Variants in LPCAT4 observed in about 807,000 individuals in gnomAD.
The protein encoded by LPCAT4 is lysophospholipid acyltransferase LPCAT4.
Under a neutral mutation model 66.5 loss-of-function variants are expected in LPCAT4, and 30 were observed. That is an observed-to-expected ratio of 0.45 (90% CI 0.34 to 0.61). The LOEUF (loss-of-function observed/expected upper bound fraction) is 0.61, where lower values mean the gene tolerates loss of function less well. Among genes scored for constraint, LPCAT4 ranks in the 20% least tolerant of loss-of-function variants. The pLI is 0.01. For synonymous variants in LPCAT4, 253 were observed against 262.1 expected (o/e 0.97, Z 0.34); for missense variants, 557 against 656.7 (o/e 0.85, Z 1.66).
Position 34,363,787 on chromosome 15 carries a change from G to A in LPCAT4, c.653-68C>T. On this transcript the variant is annotated intron_variant, in intron 5 of 13. Transcript: ENST00000314891. This position sits in a 1 kb window ranked among gnomAD's most constrained non-coding sequence, Gnocchi z 4.3. ...GTACACAGAAGTAGCTAGAGGGCAT[G>A]AGGTATGGCAGTCTGGGACAGTTCT... is the stretch of plus-strand genomic sequence containing the variant. 2 of 1,556,104 alleles carry A rather than the reference G, an allele frequency of 1.3e-6. No homozygotes were observed. The highest frequency in any genetic ancestry group is 1.8e-6 in the Non-Finnish European group (2 of 1,127,430).
rs1566892396 is a variant in LPCAT4 at position 34,358,734 on chromosome 15, G to A, written c.*393C>T. The A allele has an allele frequency of 1.3e-5, 2 of 153,990 alleles. No homozygotes were observed. The highest frequency in any genetic ancestry group is 6.5e-5 in the Admixed American group (1 of 15,310). 9.5% of individuals were successfully genotyped at this position (153,990 alleles called of 1,614,324 possible). On this transcript the variant is annotated 3_prime_UTR_variant, in exon 14 of 14. Transcript: ENST00000314891. ...GTACATATAGGAGATGACAGCAGGA[G>A]GGAGGATATGGAACCTCAGTATGAT...
chr15:34,365,754 C>G, intron 1 of LPCAT4, 53 bp from the exon 2 acceptor site: 4 of 1,589,562 alleles, frequency 2.5e-6, no homozygotes, highest in Non-Finnish European at 2.6e-6. Context: ...GCTCCCTCCA[C>G]AGCATCCTTC....
chr15:34,362,287 C>T lies in LPCAT4; in HGVS notation c.919G>A (p.Val307Ile). 2 of 1,614,152 alleles carry T rather than the reference C, an allele frequency of 1.2e-6. No homozygotes were observed. The highest frequency in any genetic ancestry group is 2.2e-5 in the East Asian group (1 of 44,874). The change falls in exon 10 of 14, where the codon GTA becomes ATA. Residue 307 changes from valine (V) to isoleucine (I), a missense_variant. Val to Ile is a conservative substitution (Grantham distance 29). Transcript: ENST00000314891. ...ACCACAATCACAGGTAAGCTCCCTACAAACTCACATTCGGTGGCTGGAATG... is the reference window on the plus strand; with the variant it reads ...ACCACAATCACAGGTAAGCTCCCTATAAACTCACATTCGGTGGCTGGAATG... ...LGIPATECEF[V>I]GSLPVIVVGR... is the part of the protein sequence containing the mutation.
intron 2 of LPCAT4, 50 bp downstream of exon 2, chr15:34,365,509 A>G: frequency 6.2e-7 from 1 of 1,610,932 alleles, no homozygotes; most frequent in South Asian, 1.1e-5. Context: ...GGAGCCGAAT[A>G]GACAGCAGGG....
chr15:34,364,068 T>G lies in LPCAT4; in HGVS notation c.597A>C (p.Leu199=). 6.2e-7 allele frequency: 1 copy of G among 1,613,024 alleles called. No individual in the cohort carries two copies. Among genetic ancestry groups the G allele is most frequent in the African/African-American group, 1.3e-5 (1 of 75,010 alleles). Reference sequence around the variant, plus strand: ...TGGAACAGGTGCCCTCAGGAAAGAATAGCACCTGGGGTAAAAAAGAGCAGA... The same window carrying G: ...TGGAACAGGTGCCCTCAGGAAAGAAGAGCACCTGGGGTAAAAAAGAGCAGA... ...ATSGGKWPQV[L]FFPEGTCSNK... Residue 199 remains leucine (L), a synonymous_variant, in exon 5 of 14, where the codon CTA becomes CTC. Coordinates refer to ENST00000314891, the MANE Select transcript of LPCAT4 (RefSeq NM_153613.3).
In LPCAT4 at chr15:34,359,622, A is replaced by AC; in HGVS notation, c.1365dup (p.Cys456ValfsTer21). 1.2e-6 allele frequency: 2 copies of AC among 1,613,110 alleles called. No individual in the cohort carries two copies. The highest frequency in any genetic ancestry group is 1.7e-6 in the Non-Finnish European group (2 of 1,180,014). ...AGGCCTTGGCTGGATCCTGCCTGGC[A>AC]CAGCTCAGCATGCAAAGCTGTGGCA... On this transcript the variant is annotated frameshift_variant, in exon 13 of 14. Transcript: ENST00000314891. LOFTEE classifies it high-confidence loss of function.
intron 10 of LPCAT4, 60 bp downstream of exon 10, chr15:34,362,136 T>C: frequency 1.1e-6 from 1 of 898,768 alleles, no homozygotes; most frequent in East Asian, 3.2e-5. Flanking sequence ...CTCCCCTTCT[T>C]ATTCTCTCTC....
Position 34,362,207 on chromosome 15 carries a change from A to T in LPCAT4, c.999T>A (p.Leu333=). The change falls in exon 10 of 14, where the codon CTT becomes CTA. Residue 333 remains leucine, a synonymous_variant. Coordinates refer to ENST00000314891, the MANE Select transcript of LPCAT4 (RefSeq NM_153613.3). The part of the protein sequence containing the change: ...EPQLWELGKV[L]RKAGLSAGYV... Reference sequence around the variant, plus strand: ...CCAAGACCACTTACCCAGCCTTCCGAAGCACTTTTCCCAGTTCCCAGAGCT... The same window carrying T: ...CCAAGACCACTTACCCAGCCTTCCGTAGCACTTTTCCCAGTTCCCAGAGCT... 1 of 1,613,110 alleles carries T rather than the reference A, an allele frequency of 6.2e-7. No individual in the cohort carries two copies. The highest frequency in any genetic ancestry group is 1.6e-4 in the Middle Eastern group (1 of 6,062).
rs1890884614 is a variant in LPCAT4, at chr15:34,359,284, G to A, written c.1418C>T (p.Ser473Phe). The A allele has an allele frequency of 1.3e-6, 2 of 1,538,012 alleles. No individual in the cohort carries two copies. Among genetic ancestry groups the A allele is most frequent in the South Asian group, 1.2e-5 (1 of 81,344 alleles). Residue 473 changes from serine to phenylalanine, a missense_variant, in exon 14 of 14, where the codon TCC (serine) becomes TTC (phenylalanine). By Grantham distance (155) the Ser-to-Phe change is radical. This residue lies in a region of LPCAT4 where 392 missense variants were observed against 473.9 expected (regional missense o/e 0.83). Coordinates refer to ENST00000314891, the MANE Select transcript of LPCAT4 (RefSeq NM_153613.3). ...TTTCCCATAGAGTGGGTCATGGAGG[G>A]AGAAGTTCTGGAACTGACCTGGACA... ...GLSLCQFQNF[S>F]LHDPLYGKLF... is the part of the protein sequence containing the mutation.
intron 1 of LPCAT4, 92 bp downstream of exon 1, chr15:34,366,895 C>G: frequency 6.6e-7 from 1 of 1,509,342 alleles, no homozygotes; most frequent in Non-Finnish European, 8.9e-7. Context: ...ATCTCCTTCT[C>G]GTGGATCCCC....
chr15:34,363,105 T>C lies in LPCAT4; in HGVS notation c.747-269A>G, dbSNP rs772091694. Among the ~76,000 whole-genome samples, 17 of 151,904 alleles carry C rather than the reference T, an allele frequency of 1.1e-4. No homozygotes were observed. The highest frequency in any genetic ancestry group is 7.4e-5 in the Non-Finnish European group (5 of 67,982). On this transcript the variant is annotated intron_variant, in intron 7 of 13. Coordinates refer to ENST00000314891, the MANE Select transcript of LPCAT4 (RefSeq NM_153613.3). This position sits in a 1 kb window ranked among gnomAD's most constrained non-coding sequence, Gnocchi z 4.3. Reference sequence around the variant, plus strand: ...TGTAGGCAAGAGGAGGTTTGAGTAATGGAAGAAAAAGGCGAGAGGCATGCC... The same window carrying C: ...TGTAGGCAAGAGGAGGTTTGAGTAACGGAAGAAAAAGGCGAGAGGCATGCC...
chr15:34,365,451 G>T, intron 2 of LPCAT4, 108 bp downstream of exon 2: 2 of 1,494,918 alleles, frequency 1.3e-6, no homozygotes, highest in Non-Finnish European at 1.8e-6. Context: ...ATCTACCCAA[G>T]CTAGACAGAA....
chr15:34,364,173 G>T (rs1891014992), intron 4 of LPCAT4, 21 bp downstream of exon 4: 1 of 1,589,226 alleles, frequency 6.3e-7, no homozygotes, highest in African/African-American at 1.3e-5. Flanking sequence ...GTGAGAAGAT[G>T]GTCTTGAGAC....
At position 34,362,656 on chromosome 15, in the gene LPCAT4, C is replaced by A. The variant is rs999705608; in HGVS notation, c.802-1G>T. On this transcript the variant is annotated splice_acceptor_variant, in intron 8 of 13. Transcript: ENST00000314891. LOFTEE classifies it high-confidence loss of function. ...GGCTGGGGTGATACACAGGAAGGAA[C>A]TGAAACACAGACACACACAATTCTT... 5.0e-6 allele frequency: 8 copies of A among 1,603,010 alleles called. No individual in the cohort carries two copies. The highest frequency in any genetic ancestry group is 6.8e-6 in the Non-Finnish European group (8 of 1,173,168).
chr15:34,363,800 C>G lies in LPCAT4; in HGVS notation c.653-81G>C. 2.0e-6 allele frequency: 3 copies of G among 1,510,180 alleles called. No homozygotes were observed. Among genetic ancestry groups the G allele is most frequent in the Non-Finnish European group, 2.8e-6 (3 of 1,086,500 alleles). The allele number at this position is 1,510,180 out of a possible 1,614,324, so 93.5% of individuals were successfully genotyped here. On this transcript the variant is annotated intron_variant, in intron 5 of 13. Coordinates refer to ENST00000314891, the MANE Select transcript of LPCAT4 (RefSeq NM_153613.3). This position sits in a 1 kb window ranked among gnomAD's most constrained non-coding sequence, Gnocchi z 4.3. ...GCTAGAGGGCATGAGGTATGGCAGT[C>G]TGGGACAGTTCTCAAATGAGATATG...
In LPCAT4 at chr15:34,359,204, G is replaced by T. The variant is rs1319882076; in HGVS notation, c.1498C>A (p.Pro500Thr). 6.2e-7 allele frequency: 1 copy of T among 1,602,480 alleles called. No individual in the cohort carries two copies. The highest frequency in any genetic ancestry group is 8.5e-7 in the Non-Finnish European group (1 of 1,174,608). The change falls in exon 14 of 14, where the codon CCA becomes ACA. Residue 500 changes from proline to threonine, a missense_variant. By Grantham distance (38) the Pro-to-Thr change is conservative (BLOSUM62 -1). This residue lies in a region of LPCAT4 where 392 missense variants were observed against 473.9 expected (regional missense o/e 0.83). Transcript: ENST00000314891. ...PHTSRGTSQT[P>T]NASSPGNPTA... ...GGGTTGCCTGGGGATGAGGCATTTG[G>T]TGTCTGGGAGGTGCCTCGAGAGGTG...
chr15:34,362,297 T>A lies in LPCAT4; in HGVS notation c.909A>T (p.Glu303Asp). Reference sequence around the variant, plus strand: ...CAGGTAAGCTCCCTACAAACTCACATTCGGTGGCTGGAATGCCCAGAGCCC... The same window carrying A: ...CAGGTAAGCTCCCTACAAACTCACAATCGGTGGCTGGAATGCCCAGAGCCC... ...MAQALGIPAT[E>D]CEFVGSLPVI... Residue 303 changes from glutamate (E) to aspartate (D), a missense_variant, in exon 10 of 14, where the codon GAA becomes GAT. Around this residue, in one of 4 missense-constraint regions of LPCAT4, gnomAD observed 392 missense variants for 473.9 expected, o/e 0.83. Coordinates refer to ENST00000314891, the MANE Select transcript of LPCAT4 (RefSeq NM_153613.3). 1 of 1,614,122 alleles carries A rather than the reference T, an allele frequency of 6.2e-7. No homozygotes were observed. The highest frequency in any genetic ancestry group is 1.3e-5 in the African/African-American group (1 of 75,032).
chr15:34,361,217 A>T (rs1455304567), intron 11 of LPCAT4, 183 bp downstream of exon 11: 2 of 1,479,488 alleles, frequency 1.4e-6, no homozygotes, highest in East Asian at 4.7e-5. Flanking sequence ...TTGCTCTTCA[A>T]TGCACTGGAT....
At chr15:34,364,337 A>T (rs1381011293) in intron 3 of LPCAT4, 31 bp from the exon 4 acceptor site, 2 of 1,409,158 alleles carry the variant, frequency 1.4e-6, no homozygotes, top group African/African-American at 2.8e-5. Context: ...AAGAGGAATC[A>T]CTTCTTTCCT....
Sources: allele counts gnomAD v4.1 joint callset (sites outside exome capture counted in the v4.1 genomes callset), GRCh38; gene constraint gnomAD v4.1.1; regional missense constraint gnomAD v4.1.1; non-coding constraint Gnocchi (gnomAD v3.1); transcripts MANE v1.5; gene names NCBI Gene and HGNC (gene_info 2026-07-23, HGNC 2026-07-21).